The following B9D1 variants were observed in gnomAD, a reference collection of about 807,000 sequenced individuals.
The protein encoded by B9D1 is B9 domain-containing protein 1.
B9D1 carries 20 observed loss-of-function variants against 26.1 expected under a neutral mutation model. That is an observed-to-expected ratio of 0.77 (90% CI 0.54 to 1.12). The LOEUF (loss-of-function observed/expected upper bound fraction) is 1.12, where lower values mean the gene tolerates loss of function less well. B9D1 is among the 50% of genes most tolerant of loss of function. B9D1 has a pLI of 0.00. For missense variants in B9D1, 260 were observed against 273.7 expected, an observed-to-expected ratio of 0.95 and a Z score of 0.35; for synonymous variants, 105 against 103.1, an observed-to-expected ratio of 1.02 and a Z score of -0.11.
At chr17:19,340,048 C>T (rs75037276), downstream of B9D1, among the ~76,000 whole-genome samples, 5 of 104,420 alleles carry the variant, frequency 4.8e-5, no homozygotes, top group East Asian at 4.7e-4. Context: ...CCCCCCCCCC[C>T]GGCTTCCCGG....
chr17:19,344,358 G>A (rs896921217), intron 5 of B9D1: 1 of 240,714 alleles, frequency 4.2e-6, no homozygotes, highest in Non-Finnish European at 8.4e-6. Context: ...CTAGTGTGGG[G>A]TCCAGGACAT....
At chr17:19,362,747 T>G, upstream of B9D1, 1 of 1,513,988 alleles carries the variant, frequency 6.6e-7, no homozygotes, top group Non-Finnish European at 8.8e-7. Context: ...ACGGGCGCCG[T>G]TATAAGGGGG....
Position 19,347,645 on chromosome 17 carries a change from C to T in B9D1, c.341+139G>A, listed in dbSNP as rs1252297463. 1 of 849,588 alleles carries T rather than the reference C, an allele frequency of 1.2e-6. No individual in the cohort carries two copies. The highest frequency in any genetic ancestry group is 1.4e-5 in the South Asian group (1 of 69,178). The allele number at this position is 849,588 out of a possible 1,614,324, so 52.6% of individuals were successfully genotyped here. ...TTCTCCTCCCAAATACAGGCTACAA[C>T]CCCCCTGGCCACCAGGCTGAGCTGC... is the stretch of plus-strand genomic sequence containing the variant. On this transcript the variant is annotated intron_variant, in intron 4 of 6. Transcript: ENST00000261499. The surrounding 1 kb of genome is among the most constrained non-coding windows in gnomAD (Gnocchi z 4.3).
At chr17:19,341,221 G>T (rs1907928851), downstream of B9D1, 1 of 1,231,716 alleles carries the variant, frequency 8.1e-7, no homozygotes, top group African/African-American at 1.5e-5. Context: ...CCACAGGCTA[G>T]AGGCTTCAGG....
chr17:19,340,214 C>T (rs1416380130), downstream of B9D1, among the ~76,000 whole-genome samples: 4 of 151,978 alleles, frequency 2.6e-5, no homozygotes, highest in Admixed American at 6.6e-5. Flanking sequence ...TCTGTCGCCC[C>T]GGCTGGAGTG....
At chr17:19,356,165 C>T (rs1045857870) in intron 3 of B9D1, among the ~76,000 whole-genome samples, 1 of 152,072 alleles carries the variant, frequency 6.6e-6, no homozygotes, top group Non-Finnish European at 1.5e-5. Flanking sequence ...AATCTCTGCT[C>T]ACTGCAGCCT....
At chr17:19,341,016 G>C (rs1365923901), downstream of B9D1, 1 of 664,502 alleles carries the variant, frequency 1.5e-6, no homozygotes, top group Non-Finnish European at 2.1e-6. Flanking sequence ...GTACGGAACA[G>C]GAAATTGGTA....
In B9D1 at chr17:19,359,534, C is replaced by G. The variant is rs909895289; in HGVS notation, c.132+786G>C. Among the ~76,000 whole-genome samples the G allele has an allele frequency of 2.0e-5, 3 of 152,216 alleles. No homozygotes were observed. Among genetic ancestry groups the G allele is most frequent in the African/African-American group, 7.2e-5 (3 of 41,450 alleles). The stretch of plus-strand genomic sequence containing the variant: ...CTCCCTGGCAGCCTTAGCGAGATCG[C>G]AGCCTCCTTCTCATCACTCATCCCT... On this transcript the variant is annotated intron_variant, in intron 2 of 6. Transcript: ENST00000261499. This position sits in a 1 kb window ranked among gnomAD's most constrained non-coding sequence, Gnocchi z 5.0.
At position 19,372,951 on chromosome 17, in the gene B9D1, T is replaced by A. The variant is rs1911960627; in HGVS notation, c.-298+4908A>T. On this transcript the variant is annotated intron_variant, in intron 1 of 5. Transcript: ENST00000477478. The surrounding 1 kb of genome is among the most constrained non-coding windows in gnomAD (Gnocchi z 4.4). ...GCTGACCCACGTCCATCCACCTTCCTGAAAACTCAGGTTTCCTGTGGGGAA... is the reference window on the plus strand; with the variant it reads ...GCTGACCCACGTCCATCCACCTTCCAGAAAACTCAGGTTTCCTGTGGGGAA... Among the ~76,000 whole-genome samples, 1 of 152,166 alleles carries A rather than the reference T, an allele frequency of 6.6e-6. No individual in the cohort carries two copies. The highest frequency in any genetic ancestry group is 1.5e-5 in the Non-Finnish European group (1 of 68,018).
rs964481774 is a variant in B9D1, at chr17:19,372,765, C to T, written c.-298+5094G>A. 3.3e-5 allele frequency among the ~76,000 whole-genome samples: 5 copies of T among 152,198 alleles called. No individual in the cohort carries two copies. The highest frequency in any genetic ancestry group is 1.2e-4 in the African/African-American group (5 of 41,444). The stretch of plus-strand genomic sequence containing the variant: ...AACCCAGGTGTTTCTGAAACCAAAG[C>T]GTGCCTTCGTAAAACTTAAGAGCAT... On this transcript the variant is annotated intron_variant, in intron 1 of 5. Transcript: ENST00000477478. The surrounding 1 kb of genome is among the most constrained non-coding windows in gnomAD (Gnocchi z 4.4).
Position 19,362,487 on chromosome 17 carries a change from C to G in B9D1, c.63+20G>C, listed in dbSNP as rs765907063. The G allele has an allele frequency of 1.3e-6, 2 of 1,537,956 alleles. No individual in the cohort carries two copies. Among genetic ancestry groups the G allele is most frequent in the Non-Finnish European group, 1.8e-6 (2 of 1,138,658 alleles). ...GGGGACGCTGGGGGGCGGGCCCCGG[C>G]GGGGTCCACGGCCGCTCACCTGGGC... On this transcript the variant is annotated intron_variant, in intron 1 of 6. Coordinates refer to ENST00000261499, the MANE Select transcript of B9D1 (RefSeq NM_015681.6).
Position 19,362,415 on chromosome 17 carries a change from T to G in B9D1, c.63+92A>C, listed in dbSNP as rs140375234. On this transcript the variant is annotated intron_variant, in intron 1 of 6. Transcript: ENST00000261499. Reference sequence around the variant, plus strand: ...GAGAGGCTCAGAGGAATGACGTGGCTCTCCGGGGGCCACAGGGCAGCCCGG... The same window carrying G: ...GAGAGGCTCAGAGGAATGACGTGGCGCTCCGGGGGCCACAGGGCAGCCCGG... 1,516 of 919,842 alleles carry G rather than the reference T, an allele frequency of 1.6e-3. 23 individuals are homozygous for G. In the African/African-American group the frequency reaches 0.023, roughly 14 times the overall value. The allele number at this position is 919,842 out of a possible 1,614,324, so 57.0% of individuals were successfully genotyped here.
At chr17:19,357,046 G>A (rs1270560530) in intron 3 of B9D1, among the ~76,000 whole-genome samples, 1 of 152,358 alleles carries the variant, frequency 6.6e-6, no homozygotes, top group African/African-American at 2.4e-5. Flanking sequence ...GCAGTAGAAA[G>A]GCCTAGATTG....
intron 2 of B9D1, 75 bp downstream of exon 2, chr17:19,360,245 A>G: frequency 7.5e-7 from 1 of 1,332,724 alleles, no homozygotes; most frequent in Non-Finnish European, 1.1e-6. Context: ...CTGAATGGGG[A>G]GGGGAAGGAT....
At chr17:19,335,101 T>C (rs1907339356), downstream of B9D1, 1 of 218,066 alleles carries the variant, frequency 4.6e-6, no homozygotes, top group African/African-American at 2.3e-5. Flanking sequence ...AATGCCTTAT[T>C]GAAAAACTAA....
downstream of B9D1, among the ~76,000 whole-genome samples, chr17:19,340,361 G>A (rs1039742255): frequency 1.6e-4 from 25 of 151,566 alleles, no homozygotes; most frequent in East Asian, 4.6e-3. Context: ...TAGTAGAGAC[G>A]GGGTTTCACC....
chr17:19,350,984 G>T (rs539176133), intron 3 of B9D1, among the ~76,000 whole-genome samples: 1 of 151,980 alleles, frequency 6.6e-6, no homozygotes, highest in South Asian at 2.1e-4. Context: ...GATCACAGGC[G>T]TGCGCCACCA....
chr17:19,377,364 AG>A (rs1434772598), intron 1 of B9D1, among the ~76,000 whole-genome samples: 1 of 152,202 alleles, frequency 6.6e-6, no homozygotes, highest in East Asian at 1.9e-4. Context: ...TAAAAGGATG[AG>A]TTTTATGGTA....
In B9D1 at chr17:19,362,687, C is replaced by A. The variant is rs1220043104; in HGVS notation, c.-118G>T. ...CAGGACACGTTTCTTGGCAGCGACA[C>A]CTTCGCGAAGGCCACGCGAGTGCGC... On this transcript the variant is annotated 5_prime_UTR_variant, in exon 1 of 7. Transcript: ENST00000261499. The A allele has an allele frequency of 6.5e-7, 1 of 1,540,090 alleles. No homozygotes were observed. Among genetic ancestry groups the A allele is most frequent in the Admixed American group, 2.0e-5 (1 of 50,892 alleles).
Sources: gnomAD v4.1 joint callset for allele counts (sites outside exome capture counted in the v4.1 genomes callset) on GRCh38, gnomAD v4.1.1 for gene constraint, Gnocchi (gnomAD v3.1) non-coding constraint, MANE v1.5 for transcripts, NCBI Gene and HGNC (gene_info 2026-07-23, HGNC 2026-07-21) for gene names.